ACER3: variants seen among roughly 807,000 people sequenced by gnomAD.
ACER3 encodes the protein alkCDase 3.
A neutral mutation model predicts 48.9 loss-of-function variants in ACER3; 16 were observed. The observed-to-expected ratio is 0.33, with a 90% CI of 0.22 to 0.50. The LOEUF is 0.50. Among genes scored for constraint, ACER3 ranks in the 20% least tolerant of loss-of-function variants. ACER3 has a pLI of 0.98. For missense variants in ACER3, 227 were observed against 326.0 expected (o/e 0.70, Z 2.34); for synonymous variants, 109 against 107.8 (o/e 1.01, Z -0.07).
chr11:76,992,114 A>G (rs533537849), intron 6 of ACER3, among the ~76,000 whole-genome samples: 1 of 151,854 alleles, frequency 6.6e-6, no homozygotes, highest in Non-Finnish European at 1.5e-5. Flanking sequence ...TGGGAAGCTG[A>G]GGCAGGAGGA....
intron 3 of ACER3, among the ~76,000 whole-genome samples, chr11:76,967,747 C>T (rs536855535): frequency 1.3e-4 from 20 of 152,200 alleles, no homozygotes; most frequent in Non-Finnish European, 2.5e-4. Flanking sequence ...AACAGCCCTT[C>T]GTGCTAAAAG....
At chr11:76,869,267 A>G (rs902434268) in intron 1 of ACER3, among the ~76,000 whole-genome samples, 1 of 152,214 alleles carries the variant, frequency 6.6e-6, no homozygotes, top group Non-Finnish European at 1.5e-5. Context: ...TGGTCACAGA[A>G]GTCTTCTGTG....
intron 4 of ACER3, among the ~76,000 whole-genome samples, chr11:76,982,134 T>C (rs1158631742): frequency 6.6e-6 from 1 of 152,178 alleles, no homozygotes; most frequent in Non-Finnish European, 1.5e-5. Flanking sequence ...TAGTGACTAA[T>C]GATGTGCATC....
At chr11:76,926,995 C>T (rs1354528115) in intron 2 of ACER3, among the ~76,000 whole-genome samples, 1 of 152,052 alleles carries the variant, frequency 6.6e-6, no homozygotes, top group Non-Finnish European at 1.5e-5. Context: ...GAAATTACTA[C>T]AGATAAAATT....
rs148023519 is a variant in ACER3, at chr11:76,979,669, A to G, written c.320+3328A>G. 1.2e-3 allele frequency among the ~76,000 whole-genome samples: 185 copies of G among 152,176 alleles called. 1 individual carries two copies. In the East Asian group the frequency reaches 0.034, roughly 28 times the overall value. ...CCCTGTCCCCCCCAGAAAAAAAGAT[A>G]TAGAACGGGGATCAGAAAACTTTTT... On this transcript the variant is annotated intron_variant, in intron 4 of 10. Transcript: ENST00000532485.
chr11:76,949,264 CTTT>C (rs975679321), intron 2 of ACER3, among the ~76,000 whole-genome samples: 41 of 152,270 alleles, frequency 2.7e-4, no homozygotes, highest in African/African-American at 9.9e-4. Flanking sequence ...CCCTGACCTC[CTTT>C]TTCCAATTTC....
At chr11:76,925,404 A>G (rs746967550) in intron 1 of ACER3, among the ~76,000 whole-genome samples, 3 of 152,262 alleles carry the variant, frequency 2.0e-5, no homozygotes, top group Non-Finnish European at 4.4e-5. Context: ...GTTTACAGTT[A>G]TAGAGGACTG....
chr11:77,019,560 T>C (rs1375506790), intron 9 of ACER3, 171 bp from the exon 10 acceptor site: 3 of 626,576 alleles, frequency 4.8e-6, no homozygotes, highest in Non-Finnish European at 8.6e-6. Flanking sequence ...GTTTACTGAA[T>C]ATTTTGAGTA....
At chr11:76,925,531 GAAACTTCTTTC>G (rs1405910982) in intron 1 of ACER3, among the ~76,000 whole-genome samples, 1 of 151,916 alleles carries the variant, frequency 6.6e-6, no homozygotes, top group Non-Finnish European at 1.5e-5. Flanking sequence ...TTTCTTCTTG[GAAACTTCTTTC>G]CTGCAGTTCT....
At chr11:76,903,346 A>G (rs902075444) in intron 1 of ACER3, among the ~76,000 whole-genome samples, 2 of 152,200 alleles carry the variant, frequency 1.3e-5, no homozygotes, top group African/African-American at 4.8e-5. Flanking sequence ...ACCAAGCCAA[A>G]GAAGCAAAAA....
intron 1 of ACER3, among the ~76,000 whole-genome samples, chr11:76,922,171 A>G (rs891671822): frequency 6.6e-6 from 1 of 152,094 alleles, no homozygotes; most frequent in African/African-American, 2.4e-5. Context: ...TAACAAGCCT[A>G]TATTTGTGGT....
chr11:77,019,882 C>A, intron 10 of ACER3, 106 bp downstream of exon 10: 2 of 1,196,466 alleles, frequency 1.7e-6, no homozygotes, highest in Non-Finnish European at 1.2e-6. Context: ...GTGGAGCAAA[C>A]ACAGGCTTTG....
intron 4 of ACER3, among the ~76,000 whole-genome samples, chr11:76,977,250 C>A (rs1254585570): frequency 6.6e-6 from 1 of 152,198 alleles, no homozygotes; most frequent in Non-Finnish European, 1.5e-5. Context: ...GGAAATATAT[C>A]ATGATGGAGA....
intron 7 of ACER3, among the ~76,000 whole-genome samples, chr11:77,006,105 T>C (rs1179231585): frequency 6.7e-6 from 1 of 150,240 alleles, no homozygotes. Context: ...TTCTTCTGCC[T>C]CAGCCTCCCA....
chr11:76,935,546 C>G (rs542856429), intron 2 of ACER3, among the ~76,000 whole-genome samples: 2 of 152,114 alleles, frequency 1.3e-5, no homozygotes, highest in African/African-American at 4.8e-5. Context: ...CAGACCTTAT[C>G]AGTAATATAC....
intron 2 of ACER3, among the ~76,000 whole-genome samples, chr11:76,936,069 A>T (rs1041186523): frequency 6.6e-6 from 1 of 152,230 alleles, no homozygotes; most frequent in African/African-American, 2.4e-5. Context: ...ACTAGGAAGA[A>T]AAAGAGGTTT....
chr11:77,011,616 A>G (rs1464368425), intron 7 of ACER3, among the ~76,000 whole-genome samples: 1 of 152,154 alleles, frequency 6.6e-6, no homozygotes, highest in East Asian at 1.9e-4. Flanking sequence ...AGTGGTAATA[A>G]TGCCTTTTCC....
intron 7 of ACER3, among the ~76,000 whole-genome samples, chr11:77,005,236 C>T (rs1830315487): frequency 6.6e-6 from 1 of 151,988 alleles, no homozygotes; most frequent in Admixed American, 6.6e-5. Context: ...CGGGTTTCAC[C>T]GTGTTAGCCA....
At chr11:76,980,812 G>T (rs947887101) in intron 4 of ACER3, among the ~76,000 whole-genome samples, 1 of 152,176 alleles carries the variant, frequency 6.6e-6, no homozygotes, top group Non-Finnish European at 1.5e-5. Context: ...GTCAACCTTT[G>T]TTCCTTCGTT....
Sources: allele counts gnomAD v4.1 joint callset (sites outside exome capture counted in the v4.1 genomes callset), GRCh38; gene constraint gnomAD v4.1.1; transcripts MANE v1.5; gene names NCBI Gene and HGNC (gene_info 2026-07-23, HGNC 2026-07-21).